Variants in RTN4RL1 observed in about 807,000 individuals in gnomAD.
The protein encoded by RTN4RL1 is reticulon 4 receptor like 1.
In RTN4RL1, 7 loss-of-function variants were observed where a neutral mutation model predicts 25.6. That is an observed-to-expected ratio of 0.27 (90% CI 0.16 to 0.51). RTN4RL1 has a LOEUF of 0.51. Among genes scored for constraint, RTN4RL1 ranks in the 20% least tolerant of loss-of-function variants. The probability of loss-of-function intolerance (pLI) is 0.97; values close to 1 mark genes in which losing one functional copy is unlikely to be tolerated. For missense variants in RTN4RL1, 500 were observed against 615.6 expected, an observed-to-expected ratio of 0.81 and a Z score of 1.99; for synonymous variants, 297 against 288.2, an observed-to-expected ratio of 1.03 and a Z score of -0.31.
At chr17:1,981,580 G>A (rs2066867518) in intron 1 of RTN4RL1, among the ~76,000 whole-genome samples, 1 of 152,194 alleles carries the variant, frequency 6.6e-6, no homozygotes, top group African/African-American at 2.4e-5. Context: ...TGCCTCGTGT[G>A]CAGATAGGCT....
intron 1 of RTN4RL1, among the ~76,000 whole-genome samples, chr17:1,986,059 CCA>C (rs2066886019): frequency 6.6e-6 from 1 of 152,072 alleles, no homozygotes. Flanking sequence ...AAGACACGAA[CCA>C]CCTCTCTTGT....
intron 1 of RTN4RL1, among the ~76,000 whole-genome samples, chr17:1,997,635 G>A (rs1289562681): frequency 1.3e-5 from 2 of 152,180 alleles, no homozygotes; most frequent in African/African-American, 4.8e-5. Flanking sequence ...CCAGGAAATC[G>A]GGAGCACCAC....
At chr17:2,012,282 C>A (rs895661616) in intron 1 of RTN4RL1, among the ~76,000 whole-genome samples, 3 of 152,250 alleles carry the variant, frequency 2.0e-5, no homozygotes, top group Non-Finnish European at 2.9e-5. Context: ...CTCTGCTGGG[C>A]ATCCTCTGTG....
chr17:1,949,030 C>T (rs1227882156), intron 1 of RTN4RL1, among the ~76,000 whole-genome samples: 4 of 152,090 alleles, frequency 2.6e-5, no homozygotes, highest in Non-Finnish European at 5.9e-5. Context: ...GATCTCGGCT[C>T]ACTGCAAGCT....
chr17:1,939,045 C>CA (rs1354317974), intron 1 of RTN4RL1, among the ~76,000 whole-genome samples: 6 of 147,132 alleles, frequency 4.1e-5, no homozygotes, highest in Admixed American at 2.1e-4. Context: ...GATTCTGTCT[C>CA]AAAAAAAATA....
intron 1 of RTN4RL1, among the ~76,000 whole-genome samples, chr17:2,013,837 C>T (rs2151327565): frequency 6.7e-6 from 1 of 149,682 alleles, no homozygotes; most frequent in East Asian, 1.9e-4. Context: ...CCAGCTCCCT[C>T]ACCCTGGAAC....
intron 1 of RTN4RL1, among the ~76,000 whole-genome samples, chr17:2,016,428 T>TA (rs1341993114): frequency 3.9e-5 from 6 of 152,058 alleles, no homozygotes; most frequent in Non-Finnish European, 8.8e-5. Flanking sequence ...ACCATTGATC[T>TA]AGTCATATTA....
intron 1 of RTN4RL1, chr17:2,017,730 CTT>C (rs1193010055): frequency 6.6e-6 from 1 of 152,220 alleles, no homozygotes; most frequent in Non-Finnish European, 1.5e-5. Flanking sequence ...GGTACCAACT[CTT>C]TTGCTGTGCC....
intron 1 of RTN4RL1, among the ~76,000 whole-genome samples, chr17:2,000,173 C>T (rs1475969414): frequency 1.3e-5 from 2 of 152,248 alleles, no homozygotes; most frequent in African/African-American, 4.8e-5. Context: ...ACCGCTGCCC[C>T]AGGTGTCCCT....
intron 1 of RTN4RL1, among the ~76,000 whole-genome samples, chr17:1,984,778 C>G (rs758346243): frequency 1.7e-4 from 26 of 152,116 alleles, no homozygotes; most frequent in Non-Finnish European, 2.9e-4. Flanking sequence ...GCCAGCCTGG[C>G]CAACATGGTG....
At chr17:1,965,368 TC>T (rs1432077594) in intron 1 of RTN4RL1, among the ~76,000 whole-genome samples, 7 of 152,164 alleles carry the variant, frequency 4.6e-5, no homozygotes, top group Non-Finnish European at 1.0e-4. Flanking sequence ...CACCTCGGCC[TC>T]CCAAAGTGCT....
chr17:1,982,693 C>T lies in RTN4RL1; in HGVS notation c.13+42160G>A, dbSNP rs2066872853. Among the ~76,000 whole-genome samples the T allele has an allele frequency of 3.3e-5, 5 of 152,344 alleles. No homozygotes were observed. The South Asian group carries it at 1.0e-3, about 32-fold the overall frequency. ...TTCCACAAACACCGGGCCCTCGACG[C>T]CGTGCAGGAAGCCCTCCCCTCCTGC... On this transcript the variant is annotated intron_variant, in intron 1 of 1. Coordinates refer to ENST00000331238, the MANE Select transcript of RTN4RL1 (RefSeq NM_178568.4).
At chr17:2,021,601 C>A (rs1244347224) in intron 1 of RTN4RL1, among the ~76,000 whole-genome samples, 1 of 129,774 alleles carries the variant, frequency 7.7e-6, no homozygotes, top group East Asian at 2.6e-4. Context: ...TTCTCCTGGG[C>A]TGGAGTGCAG....
intron 1 of RTN4RL1, among the ~76,000 whole-genome samples, chr17:2,001,968 C>G (rs993870918): frequency 4.0e-5 from 6 of 151,032 alleles, no homozygotes; most frequent in Non-Finnish European, 5.9e-5. Flanking sequence ...CTCAGGCAGA[C>G]CTACTTTCAA....
chr17:1,990,731 G>T (rs1232007584), intron 1 of RTN4RL1, among the ~76,000 whole-genome samples: 2 of 152,098 alleles, frequency 1.3e-5, no homozygotes, highest in African/African-American at 4.8e-5. Flanking sequence ...ATACAATCAA[G>T]GCTAACAGAA....
chr17:2,001,117 G>A (rs112883258), intron 1 of RTN4RL1, among the ~76,000 whole-genome samples: 1,536 of 151,434 alleles, frequency 0.01, 23 homozygotes, highest in African/African-American at 0.035. Context: ...GAACTCCTGG[G>A]TTCAAGTCAT....
chr17:1,969,938 A>T (rs1488349090), intron 1 of RTN4RL1, among the ~76,000 whole-genome samples: 4 of 150,932 alleles, frequency 2.7e-5, no homozygotes, highest in Non-Finnish European at 2.9e-5. Context: ...GGCTGGAGTC[A>T]TTTGGGAACT....
chr17:2,012,669 G>T (rs1311398945), intron 1 of RTN4RL1, among the ~76,000 whole-genome samples: 1 of 151,372 alleles, frequency 6.6e-6, no homozygotes, highest in Admixed American at 6.6e-5. Context: ...TTAGGTTTTG[G>T]TACTAAGTTT....
rs540843233 is a variant in RTN4RL1, at chr17:1,953,014, C to T, written c.14-15206G>A. Among the ~76,000 whole-genome samples the T allele has an allele frequency of 4.8e-4, 73 of 151,560 alleles. 1 individual carries two copies. Among genetic ancestry groups the T allele is most frequent in the African/African-American group, 1.7e-3 (70 of 41,290 alleles). The stretch of plus-strand genomic sequence containing the variant: ...ACTGCTTGAACCCAGGAGGCAGAGG[C>T]TGTAGTGAGCCGAGATTGTGCCACT... On this transcript the variant is annotated intron_variant, in intron 1 of 1. Coordinates refer to ENST00000331238, the MANE Select transcript of RTN4RL1 (RefSeq NM_178568.4).
Sources: allele counts gnomAD v4.1 joint callset (sites outside exome capture counted in the v4.1 genomes callset), GRCh38; gene constraint gnomAD v4.1.1; transcripts MANE v1.5; gene names NCBI Gene and HGNC (gene_info 2026-07-23, HGNC 2026-07-21).